Variants in NR5A2 observed in about 807,000 individuals in gnomAD.
The protein encoded by NR5A2 is CYP7A promoter-binding factor.
Under a neutral mutation model 62.7 loss-of-function variants are expected in NR5A2, and 26 were observed. That is an observed-to-expected ratio of 0.41 (90% CI 0.30 to 0.58). NR5A2 has a LOEUF of 0.58. NR5A2 is among the 20% of genes least tolerant of loss of function. NR5A2 has a pLI of 0.22. For missense variants in NR5A2, 541 were observed against 669.1 expected (o/e 0.81, Z 2.11); for synonymous variants, 246 against 241.7 (o/e 1.02, Z -0.16).
intron 7 of NR5A2, among the ~76,000 whole-genome samples, chr1:200,142,555 G>T (rs1350578050): frequency 6.6e-6 from 1 of 151,856 alleles, no homozygotes; most frequent in Non-Finnish European, 1.5e-5. Flanking sequence ...TAGAGACAGG[G>T]TCTCACTCTG....
chr1:200,112,335 C>T (rs1462739988), intron 6 of NR5A2, among the ~76,000 whole-genome samples: 1 of 152,220 alleles, frequency 6.6e-6, no homozygotes, highest in Non-Finnish European at 1.5e-5. Context: ...ACCCTCCGTT[C>T]TACAACTGAT....
rs549158198 is a variant in NR5A2 at position 200,100,500 on chromosome 1, T to C, written c.1111-10702T>C. Among the ~76,000 whole-genome samples the C allele has an allele frequency of 2.0e-5, 3 of 152,284 alleles. No homozygotes were observed. In the East Asian group the frequency reaches 5.8e-4, roughly 29 times the overall value. On this transcript the variant is annotated intron_variant, in intron 5 of 7. Coordinates refer to ENST00000367362, the MANE Select transcript of NR5A2 (RefSeq NM_205860.3). ...TCCAAAGCTATGCATTTCCTTATAG[T>C]GTTTAGCAGCCCTGGCATCTGCTAT...
chr1:200,052,985 T>C (rs1421219004), intron 5 of NR5A2, among the ~76,000 whole-genome samples: 4 of 151,980 alleles, frequency 2.6e-5, no homozygotes, highest in Admixed American at 1.3e-4. Flanking sequence ...CTCTACCACA[T>C]AGGAAAAAAA....
chr1:200,117,384 T>A (rs940460550), intron 6 of NR5A2, among the ~76,000 whole-genome samples: 2 of 152,220 alleles, frequency 1.3e-5, no homozygotes, highest in African/African-American at 4.8e-5. Context: ...TAAGCCCCCA[T>A]TTAATAAGCA....
At chr1:200,161,344 T>G (rs754680978) in intron 7 of NR5A2, among the ~76,000 whole-genome samples, 15 of 152,326 alleles carry the variant, frequency 9.8e-5, no homozygotes, top group Non-Finnish European at 1.6e-4. Flanking sequence ...TCCGTATATT[T>G]TAATGTAGTT....
intron 5 of NR5A2, among the ~76,000 whole-genome samples, chr1:200,102,313 T>C (rs1298924223): frequency 6.6e-6 from 1 of 152,212 alleles, no homozygotes; most frequent in African/African-American, 2.4e-5. Context: ...TGACTTGTCA[T>C]GGTTGTGAAT....
chr1:200,041,503 C>T (rs1229614039), intron 2 of NR5A2, among the ~76,000 whole-genome samples: 6 of 152,148 alleles, frequency 3.9e-5, no homozygotes, highest in Non-Finnish European at 7.4e-5. Context: ...TGGGACGCCT[C>T]CGTAGGAGCC....
chr1:200,154,936 A>G (rs1485426334), intron 7 of NR5A2, among the ~76,000 whole-genome samples: 1 of 152,170 alleles, frequency 6.6e-6, no homozygotes, highest in Non-Finnish European at 1.5e-5. Context: ...CAAGGTTTCT[A>G]CGCATTCCAG....
intron 5 of NR5A2, among the ~76,000 whole-genome samples, chr1:200,066,681 G>A (rs1292653758): frequency 4.9e-5 from 7 of 143,386 alleles, no homozygotes; most frequent in African/African-American, 8.2e-5. Flanking sequence ...TCTGCCTCCT[G>A]GGGTCAAGTG....
At chr1:200,165,854 T>A (rs1653875631) in intron 7 of NR5A2, among the ~76,000 whole-genome samples, 1 of 152,216 alleles carries the variant, frequency 6.6e-6, no homozygotes, top group Non-Finnish European at 1.5e-5. Context: ...TTCATAACCA[T>A]TTAAACGTAT....
At chr1:200,123,066 C>T (rs1666546804) in intron 7 of NR5A2, among the ~76,000 whole-genome samples, 1 of 152,104 alleles carries the variant, frequency 6.6e-6, no homozygotes, top group African/African-American at 2.4e-5. Context: ...AAAGTTAAGG[C>T]CAAGTCCTAA....
At chr1:200,074,573 T>A (rs1571427287) in intron 5 of NR5A2, among the ~76,000 whole-genome samples, 1 of 151,284 alleles carries the variant, frequency 6.6e-6, no homozygotes, top group East Asian at 1.9e-4. Context: ...CCGTCTCTAC[T>A]AAAAATACAA....
chr1:200,157,244 C>T (rs915754290), intron 7 of NR5A2, among the ~76,000 whole-genome samples: 9 of 152,236 alleles, frequency 5.9e-5, no homozygotes, highest in Middle Eastern at 3.4e-3. Context: ...GCAGTGTTCA[C>T]GGATTTAAAA....
chr1:200,166,333 G>T (rs1653899518), intron 7 of NR5A2, among the ~76,000 whole-genome samples: 1 of 152,082 alleles, frequency 6.6e-6, no homozygotes, highest in Non-Finnish European at 1.5e-5. Flanking sequence ...CCCCACAAAG[G>T]TGCCCCATAA....
At chr1:200,033,550 G>A (rs1372572985) in intron 1 of NR5A2, among the ~76,000 whole-genome samples, 1 of 152,152 alleles carries the variant, frequency 6.6e-6, no homozygotes, top group Non-Finnish European at 1.5e-5. Flanking sequence ...CCGGCCTTCT[G>A]CAAGCTCCAC....
At chr1:200,140,743 C>T (rs1006404201) in intron 7 of NR5A2, among the ~76,000 whole-genome samples, 6 of 152,130 alleles carry the variant, frequency 3.9e-5, no homozygotes, top group Admixed American at 2.0e-4. Flanking sequence ...ATCTAAAAAT[C>T]AGAAAGGCAG....
chr1:200,130,944 T>G (rs902746023), intron 7 of NR5A2, among the ~76,000 whole-genome samples: 1 of 152,264 alleles, frequency 6.6e-6, no homozygotes, highest in Admixed American at 6.5e-5. Context: ...TCTCAGTGTT[T>G]ACCTTTTCAT....
At chr1:200,043,012 C>T (rs1662188963) in intron 2 of NR5A2, 1 of 985,170 alleles carries the variant, frequency 1.0e-6, no homozygotes, top group South Asian at 4.7e-5. Flanking sequence ...AGGTTCATTA[C>T]AGGGCTTCAA....
intron 5 of NR5A2, among the ~76,000 whole-genome samples, chr1:200,053,156 T>C (rs574252476): frequency 2.0e-5 from 3 of 152,216 alleles, no homozygotes; most frequent in African/African-American, 7.2e-5. Context: ...CCAACTCTCA[T>C]AGAAACCGTG....
Sources: gnomAD v4.1 joint callset for allele counts (sites outside exome capture counted in the v4.1 genomes callset) on GRCh38, gnomAD v4.1.1 for gene constraint, MANE v1.5 for transcripts, NCBI Gene and HGNC (gene_info 2026-07-23, HGNC 2026-07-21) for gene names.